TRPM3: variants seen among roughly 807,000 people sequenced by gnomAD.
TRPM3 encodes the protein transient receptor potential cation channel subfamily M member 3.
In TRPM3, 77 loss-of-function variants were observed where a neutral mutation model predicts 181.2. The ratio of observed to expected loss-of-function variants is 0.42; its 90% CI spans 0.35 to 0.51. The LOEUF is 0.51. TRPM3 is among the 20% of genes least tolerant of loss of function. The pLI is 0.01. For synonymous variants in TRPM3, 745 were observed against 796.4 expected, an observed-to-expected ratio of 0.94 and a Z score of 1.09; for missense variants, 1,759 against 2,196.7, an observed-to-expected ratio of 0.80 and a Z score of 3.98.
At chr9:70,820,962 A>G (rs769248355) in intron 6 of TRPM3, among the ~76,000 whole-genome samples, 2 of 152,190 alleles carry the variant, frequency 1.3e-5, no homozygotes, top group Non-Finnish European at 2.9e-5. Flanking sequence ...CAATTGCTGA[A>G]GATCTTTCTA....
At chr9:70,943,750 T>A (rs1204919643) in intron 1 of TRPM3, among the ~76,000 whole-genome samples, 5 of 152,152 alleles carry the variant, frequency 3.3e-5, no homozygotes, top group Non-Finnish European at 2.9e-5. Flanking sequence ...ATTTTAATAT[T>A]TATTAGTCAT....
chr9:71,287,385 T>A (rs2132244891), intron 1 of TRPM3, among the ~76,000 whole-genome samples: 1 of 152,052 alleles, frequency 6.6e-6, no homozygotes, highest in South Asian at 2.1e-4. Context: ...CATGGCTGCA[T>A]ATAAGATTTT....
At chr9:71,075,074 C>A (rs115080166) in intron 1 of TRPM3, among the ~76,000 whole-genome samples, 4,566 of 152,168 alleles carry the variant, frequency 0.03, 210 homozygotes, top group African/African-American at 0.096. Context: ...TCATTGACTT[C>A]TAGTCATTCC....
Position 71,006,202 on chromosome 9 carries a change from A to G in TRPM3, c.177+114976T>C, listed in dbSNP as rs377205971. Reference sequence around the variant, plus strand: ...AATCTGCAATTGATACACTAAAATAAGTAGCATGAGATCAAAAATTCTACT... The same window carrying G: ...AATCTGCAATTGATACACTAAAATAGGTAGCATGAGATCAAAAATTCTACT... On this transcript the variant is annotated intron_variant, in intron 1 of 25. Transcript: ENST00000677713. 5.9e-5 allele frequency among the ~76,000 whole-genome samples: 9 copies of G among 152,330 alleles called. No individual in the cohort carries two copies. The East Asian group carries it at 9.6e-4, about 16-fold the overall frequency.
chr9:71,283,412 T>G (rs1031911377), intron 1 of TRPM3, among the ~76,000 whole-genome samples: 3 of 152,168 alleles, frequency 2.0e-5, no homozygotes, highest in African/African-American at 7.2e-5. Context: ...TTCTCCTGCC[T>G]CAGCCTCCCG....
At chr9:70,696,197 C>G (rs1268527222) in intron 8 of TRPM3, among the ~76,000 whole-genome samples, 1 of 152,186 alleles carries the variant, frequency 6.6e-6, no homozygotes, top group African/African-American at 2.4e-5. Flanking sequence ...GGAATAATTC[C>G]TCCAATCTCA....
intron 1 of TRPM3, among the ~76,000 whole-genome samples, chr9:71,345,196 T>C (rs566504425): frequency 1.1e-4 from 16 of 152,148 alleles, no homozygotes; most frequent in Non-Finnish European, 2.1e-4. Context: ...TCCTCAAGGA[T>C]CTACAATCAG....
chr9:71,089,181 A>T (rs1373796684), intron 1 of TRPM3, among the ~76,000 whole-genome samples: 5 of 147,814 alleles, frequency 3.4e-5, no homozygotes, highest in Non-Finnish European at 7.4e-5. Context: ...ATATATTTTT[A>T]TGATACGTGA....
At chr9:71,384,055 A>T (rs549228907) in intron 1 of TRPM3, among the ~76,000 whole-genome samples, 1 of 152,346 alleles carries the variant, frequency 6.6e-6, no homozygotes, top group African/African-American at 2.4e-5. Flanking sequence ...ACGCTGTAAT[A>T]AATCCTGTCT....
intron 1 of TRPM3, among the ~76,000 whole-genome samples, chr9:70,986,206 TAAATA>T (rs1188649452): frequency 6.6e-6 from 1 of 151,866 alleles, no homozygotes; most frequent in African/African-American, 2.4e-5. Flanking sequence ...AAATTAAAAT[TAAATA>T]AAATTAGCCA....
intron 1 of TRPM3, among the ~76,000 whole-genome samples, chr9:71,119,248 C>T (rs2073097583): frequency 6.6e-6 from 1 of 152,066 alleles, no homozygotes; most frequent in Non-Finnish European, 1.5e-5. Flanking sequence ...AGTAAGGTTC[C>T]ATCCTGTCTT....
At chr9:71,342,829 G>A (rs780983363) in intron 1 of TRPM3, among the ~76,000 whole-genome samples, 11 of 152,018 alleles carry the variant, frequency 7.2e-5, no homozygotes, top group Non-Finnish European at 4.4e-5. Context: ...CTTTTAATAA[G>A]TGAATTTTTA....
At chr9:70,556,786 T>C (rs2047824001) in intron 22 of TRPM3, among the ~76,000 whole-genome samples, 1 of 152,178 alleles carries the variant, frequency 6.6e-6, no homozygotes, top group Non-Finnish European at 1.5e-5. Context: ...TTTAGCTTTG[T>C]CCATAAACTT....
intron 1 of TRPM3, among the ~76,000 whole-genome samples, chr9:71,230,828 T>G (rs1407160487): frequency 6.6e-6 from 1 of 152,250 alleles, no homozygotes. Context: ...ACTTCAGTGT[T>G]GCAAATGCTG....
intron 1 of TRPM3, among the ~76,000 whole-genome samples, chr9:71,023,993 G>A (rs951782184): frequency 6.6e-6 from 1 of 152,166 alleles, no homozygotes; most frequent in Non-Finnish European, 1.5e-5. Context: ...GAATGTAAGT[G>A]AAACTTGGGA....
chr9:70,896,089 C>T (rs1395877348), intron 1 of TRPM3, among the ~76,000 whole-genome samples: 2 of 152,100 alleles, frequency 1.3e-5, no homozygotes, highest in Non-Finnish European at 2.9e-5. Flanking sequence ...ATTAAGAGTA[C>T]TTTTAGAAAA....
At chr9:71,024,251 A>G (rs890890773) in intron 1 of TRPM3, among the ~76,000 whole-genome samples, 2 of 152,206 alleles carry the variant, frequency 1.3e-5, no homozygotes, top group Non-Finnish European at 2.9e-5. Context: ...GCATATATAC[A>G]TGTGTATGTA....
chr9:71,318,431 G>A (rs1439394991), intron 1 of TRPM3, among the ~76,000 whole-genome samples: 1 of 152,034 alleles, frequency 6.6e-6, no homozygotes, highest in Non-Finnish European at 1.5e-5. Context: ...ACAACAGAAT[G>A]GTGAAACAAG....
At chr9:70,836,739 T>C (rs189416327) in intron 5 of TRPM3, among the ~76,000 whole-genome samples, 5 of 152,282 alleles carry the variant, frequency 3.3e-5, no homozygotes, top group Admixed American at 1.3e-4. Context: ...GGGTAAGCCA[T>C]CCTTTTCCTC....
Sources: gnomAD v4.1 joint callset for allele counts (sites outside exome capture counted in the v4.1 genomes callset) on GRCh38, gnomAD v4.1.1 for gene constraint, MANE v1.5 for transcripts, NCBI Gene and HGNC (gene_info 2026-07-23, HGNC 2026-07-21) for gene names.